ACVR1: variants seen among roughly 807,000 people sequenced by gnomAD.
ACVR1 encodes activin receptor type-1.
Under a neutral mutation model 57.1 loss-of-function variants are expected in ACVR1, and 38 were observed. That is an observed-to-expected ratio of 0.67 (90% CI 0.51 to 0.87). The LOEUF is 0.87. Among genes scored for constraint, ACVR1 ranks in the 40% least tolerant of loss-of-function variants. ACVR1 has a pLI of 0.00. For synonymous variants in ACVR1, 212 were observed against 228.1 expected (o/e 0.93, Z 0.63); for missense variants, 463 against 638.2 (o/e 0.73, Z 2.96).
intron 1 of ACVR1, among the ~76,000 whole-genome samples, chr2:157,825,001 C>T (rs1307120258): frequency 6.6e-6 from 1 of 152,178 alleles, no homozygotes; most frequent in South Asian, 2.1e-4. Context: ...CCACCTCAGT[C>T]TCTCAAAGTG....
chr2:157,751,062 C>T (rs866183857), intron 9 of ACVR1, among the ~76,000 whole-genome samples: 1 of 152,152 alleles, frequency 6.6e-6, no homozygotes, highest in Non-Finnish European at 1.5e-5. Flanking sequence ...AAAGAATCAA[C>T]GGACCCTTTG....
intron 5 of ACVR1, 51 bp from the exon 6 acceptor site, chr2:157,774,238 A>G: frequency 6.9e-7 from 1 of 1,442,354 alleles, no homozygotes; most frequent in Non-Finnish European, 9.8e-7. Context: ...TATAGCTCCC[A>G]CTTTGGAGTA....
Position 157,737,520 on chromosome 2 carries a change from CTA to C in ACVR1, c.*9_*10del. On this transcript the variant is annotated 3_prime_UTR_variant, in exon 11 of 11. Coordinates refer to ENST00000434821, the MANE Select transcript of ACVR1 (RefSeq NM_001111067.4). Reference sequence around the variant, plus strand: ...CAACGTCAAATCTTCCTTCTTGACACTATGAAAATGTCAACAGTCAGTTTTCA... The same window carrying C: ...CAACGTCAAATCTTCCTTCTTGACACTGAAAATGTCAACAGTCAGTTTTCA... 1 of 1,613,894 alleles carries C rather than the reference CTA, an allele frequency of 6.2e-7. No individual in the cohort carries two copies. The highest frequency in any genetic ancestry group is 8.5e-7 in the Non-Finnish European group (1 of 1,179,894).
intron 7 of ACVR1, among the ~76,000 whole-genome samples, chr2:157,769,419 C>T (rs1685993845): frequency 6.6e-6 from 1 of 152,026 alleles, no homozygotes; most frequent in African/African-American, 2.4e-5. Flanking sequence ...GACTAGGACC[C>T]GATGGGTAAG....
At chr2:157,784,455 A>G (rs1359035758) in intron 3 of ACVR1, among the ~76,000 whole-genome samples, 4 of 152,350 alleles carry the variant, frequency 2.6e-5, no homozygotes, top group Admixed American at 1.3e-4. Context: ...CACCTAATTG[A>G]CATTCATTTG....
chr2:157,777,147 T>C (rs1686321125), intron 5 of ACVR1, among the ~76,000 whole-genome samples: 1 of 152,226 alleles, frequency 6.6e-6, no homozygotes, highest in Non-Finnish European at 1.5e-5. Context: ...GTTCAAAGCG[T>C]CTTTAAAATG....
chr2:157,851,892 CACACACACACACACA>C (rs1559093994), intron 1 of ACVR1, among the ~76,000 whole-genome samples: 205 of 5,452 alleles, frequency 0.038, 6 homozygotes, highest in African/African-American at 0.047. Context: ...CACACACACA[CACACACACACACACA>C]CACCACCCCC....
intron 3 of ACVR1, among the ~76,000 whole-genome samples, chr2:157,793,567 C>T (rs1260232957): frequency 4.6e-5 from 7 of 152,132 alleles, no homozygotes; most frequent in African/African-American, 1.7e-4. Context: ...TTCTAGGTCC[C>T]AGTAGTAGCA....
chr2:157,834,732 T>G (rs1271674150), intron 1 of ACVR1, among the ~76,000 whole-genome samples: 3 of 152,186 alleles, frequency 2.0e-5, no homozygotes, highest in Non-Finnish European at 2.9e-5. Context: ...AATGTTTGTA[T>G]CCTCTCAAAT....
intron 9 of ACVR1, among the ~76,000 whole-genome samples, chr2:157,755,296 G>C (rs1192043730): frequency 6.6e-6 from 1 of 151,924 alleles, no homozygotes; most frequent in Non-Finnish European, 1.5e-5. Flanking sequence ...AAGGGCATGT[G>C]AACTGGTAAA....
rs1028134399 is a variant in ACVR1 at position 157,736,779 on chromosome 2, T to C, written c.*752A>G. 23 of 345,692 alleles carry C rather than the reference T, an allele frequency of 6.7e-5. No homozygotes were observed. Among genetic ancestry groups the C allele is most frequent in the African/African-American group, 1.5e-4 (7 of 47,734 alleles). 21.4% of individuals were successfully genotyped at this position (345,692 alleles called of 1,614,324 possible). ...AAAAGAAAATGTCCATTTTAGAGTA[T>C]AGTGTTAAAAACATTTCTGTAATAA... is the stretch of plus-strand genomic sequence containing the variant. On this transcript the variant is annotated 3_prime_UTR_variant, in exon 11 of 11. Coordinates refer to ENST00000434821, the MANE Select transcript of ACVR1 (RefSeq NM_001111067.4).
In ACVR1 at chr2:157,780,482, G is replaced by C; in HGVS notation, c.186C>G (p.Gly62=). The C allele has an allele frequency of 6.2e-7, 1 of 1,614,136 alleles. No homozygotes were observed. The change falls in exon 4 of 11, where the codon GGC becomes GGG. Residue 62 remains glycine, a synonymous_variant. Coordinates refer to ENST00000434821, the MANE Select transcript of ACVR1 (RefSeq NM_001111067.4). ...AGCAGCCTTTCTGGTAGACGTGGAAGCCATCGTTGATGCTCAGTGAGGAAA... is the reference window on the plus strand; with the variant it reads ...AGCAGCCTTTCTGGTAGACGTGGAACCCATCGTTGATGCTCAGTGAGGAAA... The part of the protein sequence containing the change: ...QCFSSLSIND[G]FHVYQKGCFQ...
chr2:157,775,777 A>G (rs1215051666), intron 5 of ACVR1, among the ~76,000 whole-genome samples: 1 of 152,210 alleles, frequency 6.6e-6, no homozygotes, highest in African/African-American at 2.4e-5. Context: ...TCCATAATGT[A>G]TGATCCTGCT....
chr2:157,831,046 C>T (rs932709022), intron 1 of ACVR1, among the ~76,000 whole-genome samples: 1 of 152,148 alleles, frequency 6.6e-6, no homozygotes, highest in Admixed American at 6.5e-5. Context: ...ATTCTCCCAC[C>T]TTAGCCTCCC....
At chr2:157,841,314 T>C (rs1688965131) in intron 1 of ACVR1, among the ~76,000 whole-genome samples, 1 of 152,010 alleles carries the variant, frequency 6.6e-6, no homozygotes, top group African/African-American at 2.4e-5. Flanking sequence ...CCTTCGACAA[T>C]CACAGGGATT....
intron 1 of ACVR1, among the ~76,000 whole-genome samples, chr2:157,861,018 G>A (rs1689699238): frequency 6.6e-6 from 1 of 152,146 alleles, no homozygotes; most frequent in South Asian, 2.1e-4. Flanking sequence ...TTTAAAGGTT[G>A]CTGTCTCTAC....
chr2:157,865,718 G>A (rs1279817912), intron 1 of ACVR1, among the ~76,000 whole-genome samples: 3 of 151,430 alleles, frequency 2.0e-5, no homozygotes, highest in East Asian at 1.9e-4. Flanking sequence ...CTTGAACCCG[G>A]GAGGCAGAGG....
intron 2 of ACVR1, among the ~76,000 whole-genome samples, 174 bp from the exon 3 acceptor site, chr2:157,799,674 A>G (rs1013632607): frequency 1.3e-5 from 2 of 152,216 alleles, no homozygotes; most frequent in South Asian, 2.1e-4. Flanking sequence ...GGACCTAAAC[A>G]TATCACTTTA....
At chr2:157,805,696 T>A (rs1222560308) in intron 2 of ACVR1, among the ~76,000 whole-genome samples, 1 of 151,930 alleles carries the variant, frequency 6.6e-6, no homozygotes, top group Non-Finnish European at 1.5e-5. Context: ...AACATTCAGG[T>A]CTTAACCCAC....
Sources: gnomAD v4.1 joint callset for allele counts (sites outside exome capture counted in the v4.1 genomes callset) on GRCh38, gnomAD v4.1.1 for gene constraint, MANE v1.5 for transcripts, NCBI Gene and HGNC (gene_info 2026-07-23, HGNC 2026-07-21) for gene names.